Variants in USP42 observed in about 807,000 individuals in gnomAD.
USP42 encodes the protein ubiquitin specific peptidase 42.
In USP42, 23 loss-of-function variants were observed where a neutral mutation model predicts 113.0. The ratio of observed to expected loss-of-function variants is 0.20; its 90% CI spans 0.15 to 0.29. The LOEUF (loss-of-function observed/expected upper bound fraction) is 0.29. USP42 is among the 10% of genes least tolerant of loss of function. The pLI is 1.00. For missense variants in USP42, 2,174 were observed against 1,779.8 expected, an observed-to-expected ratio of 1.22 and a Z score of -3.99; for synonymous variants, 933 against 699.0, an observed-to-expected ratio of 1.33 and a Z score of -5.28.
rs149175406 is a variant in USP42, at chr7:6,154,482, C to T, written c.2928C>T (p.His976=). Residue 976 remains histidine, a synonymous_variant, in exon 15 of 18, where the codon CAC becomes CAT. Coordinates refer to ENST00000306177, the MANE Select transcript of USP42 (RefSeq NM_032172.3). ...ARESRSKTEG[H]RHRRRRTCPR... ...AGAGCAGGAGCAAGACTGAGGGCCA[C>T]CGTCACCGGCGGCGCCGCACCTGCC... The T allele has an allele frequency of 5.2e-6, 8 of 1,550,506 alleles. No individual in the cohort carries two copies. In the African/African-American group the frequency reaches 8.2e-5, roughly 16 times the overall value.
chr7:6,084,763 G>T, the USP42 span: 10 of 147,022 alleles, frequency 6.8e-5, no homozygotes, highest in African/African-American at 2.6e-4. Context: ...CTGTCACCCA[G>T]CCTGGAGTGC....
At chr7:6,119,489 G>T (rs1384366740) in intron 3 of USP42, among the ~76,000 whole-genome samples, 3 of 152,052 alleles carry the variant, frequency 2.0e-5, no homozygotes, top group East Asian at 1.9e-4. Context: ...TAAAAAAGTT[G>T]TTCTGGCTCT....
At chr7:6,123,275 A>G (rs1780338050) in intron 3 of USP42, among the ~76,000 whole-genome samples, 1 of 152,146 alleles carries the variant, frequency 6.6e-6, no homozygotes. Flanking sequence ...TGTAATCCCA[A>G]CACTTTGGGA....
At chr7:6,102,940 G>C (rs967999707), upstream of USP42, among the ~76,000 whole-genome samples, 2 of 151,090 alleles carry the variant, frequency 1.3e-5, no homozygotes, top group African/African-American at 5.0e-5. Flanking sequence ...GTTGAGCGAA[G>C]AAAGGCTGAC....
chr7:6,122,279 G>GTTTTT (rs55777900), intron 3 of USP42, among the ~76,000 whole-genome samples: 1 of 133,540 alleles, frequency 7.5e-6, no homozygotes, highest in Non-Finnish European at 1.6e-5. Context: ...TCATGTGTCA[G>GTTTTT]TTTTTTTTTT....
chr7:6,111,462 T>A, intron 2 of USP42, 88 bp downstream of exon 2: 1 of 1,504,944 alleles, frequency 6.6e-7, no homozygotes, highest in South Asian at 1.3e-5. Context: ...GGGCTTATTT[T>A]GCAAGGCGTG....
At chr7:6,115,671 A>G (rs1779872283) in intron 3 of USP42, 148 bp downstream of exon 3, 2 of 966,862 alleles carry the variant, frequency 2.1e-6, no homozygotes, top group African/African-American at 3.3e-5. Context: ...AGGAGGACTC[A>G]GGATTGGGAT....
At chr7:6,101,523 G>A (rs141426200), upstream of USP42, among the ~76,000 whole-genome samples, 5 of 151,494 alleles carry the variant, frequency 3.3e-5, no homozygotes, top group East Asian at 9.6e-4. Flanking sequence ...CTGATCTGGA[G>A]GAGAACAAGG....
intron 15 of USP42, 67 bp from the exon 16 acceptor site, chr7:6,156,687 A>T: frequency 6.8e-7 from 1 of 1,464,864 alleles, no homozygotes. Context: ...GGAAAGGCCA[A>T]GCTCCAGGGT....
At chr7:6,129,257 A>G (rs929435473) in intron 3 of USP42, among the ~76,000 whole-genome samples, 2 of 152,206 alleles carry the variant, frequency 1.3e-5, no homozygotes, top group Non-Finnish European at 2.9e-5. Flanking sequence ...TATAATTGTT[A>G]TAAAATGTTT....
chr7:6,101,998 G>C (rs1458877740), upstream of USP42, among the ~76,000 whole-genome samples: 4 of 150,456 alleles, frequency 2.7e-5, 1 homozygote, highest in African/African-American at 1.0e-4. Flanking sequence ...GCTTGAACCT[G>C]GGAGGTGGAG....
intron 4 of USP42, among the ~76,000 whole-genome samples, chr7:6,138,559 C>G (rs1381786658): frequency 6.6e-6 from 1 of 152,194 alleles, no homozygotes; most frequent in Non-Finnish European, 1.5e-5. Flanking sequence ...GAAACTCTAG[C>G]TGCTGTGGAC....
At chr7:6,138,360 G>T (rs967033654) in intron 4 of USP42, among the ~76,000 whole-genome samples, 1 of 152,160 alleles carries the variant, frequency 6.6e-6, no homozygotes, top group Non-Finnish European at 1.5e-5. Flanking sequence ...AGGTCATTGG[G>T]ATAGAATTAG....
Position 6,147,634 on chromosome 7 carries a change from TCATCAGG to T in USP42, c.1233-104_1233-98del. 7.5e-6 allele frequency: 10 copies of T among 1,326,732 alleles called. No individual in the cohort carries two copies. In the Admixed American group the frequency reaches 8.7e-5, roughly 11 times the overall value. The allele number at this position is 1,326,732 out of a possible 1,614,324, so 82.2% of individuals were successfully genotyped here. ...GTGTAGCATAAACATGCTATTTTTT[TCATCAGG>T]TTTCCGCCTGAGGGGTTAAATGCTG... On this transcript the variant is annotated intron_variant, in intron 11 of 17. Transcript: ENST00000306177.
intron 12 of USP42, among the ~76,000 whole-genome samples, chr7:6,148,575 TTC>T (rs1781852773): frequency 6.6e-6 from 1 of 152,196 alleles, no homozygotes; most frequent in Non-Finnish European, 1.5e-5. Context: ...GGTGTGGTGT[TTC>T]TGTCTGCTCT....
the USP42 span, among the ~76,000 whole-genome samples, chr7:6,083,618 C>T: frequency 6.7e-6 from 1 of 150,098 alleles, no homozygotes; most frequent in Admixed American, 6.6e-5. Context: ...CCAGAAACCG[C>T]AATAAATATA....
At chr7:6,107,535 G>T (rs1436132224) in intron 1 of USP42, among the ~76,000 whole-genome samples, 1 of 150,780 alleles carries the variant, frequency 6.6e-6, no homozygotes, top group Non-Finnish European at 1.5e-5. Flanking sequence ...TCAGCCTCCC[G>T]AGTAGCTGGG....
At chr7:6,107,136 G>T (rs1198359761) in intron 1 of USP42, among the ~76,000 whole-genome samples, 1 of 152,140 alleles carries the variant, frequency 6.6e-6, no homozygotes, top group Non-Finnish European at 1.5e-5. Context: ...GCTTTGGTTG[G>T]TTTTTCCACA....
chr7:6,126,009 C>G (rs1013398485), intron 3 of USP42, among the ~76,000 whole-genome samples: 7 of 152,130 alleles, frequency 4.6e-5, no homozygotes, highest in African/African-American at 9.7e-5. Context: ...TTGATATAGT[C>G]AAGATACAGA....
Sources: allele counts gnomAD v4.1 joint callset (sites outside exome capture counted in the v4.1 genomes callset), GRCh38; gene constraint gnomAD v4.1.1; transcripts MANE v1.5; gene names NCBI Gene and HGNC (gene_info 2026-07-23, HGNC 2026-07-21).